Variants in COPS4 observed in about 807,000 individuals in gnomAD.
COPS4 encodes COP9 signalosome subunit 4.
A neutral mutation model predicts 55.1 loss-of-function variants in COPS4; 8 were observed. The observed-to-expected ratio is 0.15, with a 90% CI of 0.09 to 0.26. The LOEUF (loss-of-function observed/expected upper bound fraction) is 0.26, where lower values mean the gene tolerates loss of function less well. COPS4 is among the 10% of genes least tolerant of loss of function. The pLI, the probability that COPS4 is intolerant of heterozygous loss-of-function variation, is 1.00. For synonymous variants in COPS4, 185 were observed against 165.7 expected (o/e 1.12, Z -0.90); for missense variants, 248 against 484.0 (o/e 0.51, Z 4.58).
chr4:83,040,168 T>C (rs977444034), intron 1 of COPS4, among the ~76,000 whole-genome samples: 3 of 152,252 alleles, frequency 2.0e-5, no homozygotes, highest in East Asian at 3.8e-4. Context: ...TTGTATTTTT[T>C]AGCTCTGTAA....
At chr4:83,059,566 A>G (rs1038665030) in intron 6 of COPS4, among the ~76,000 whole-genome samples, 2 of 152,188 alleles carry the variant, frequency 1.3e-5, no homozygotes, top group South Asian at 4.1e-4. Flanking sequence ...TAAATGACAT[A>G]CTTTTATGAA....
At chr4:83,057,860 T>G (rs1450951476) in intron 6 of COPS4, among the ~76,000 whole-genome samples, 7 of 146,714 alleles carry the variant, frequency 4.8e-5, no homozygotes, top group Admixed American at 3.5e-4. Flanking sequence ...AGGTGGAGCT[T>G]GTAGTGAGCC....
Position 83,048,025 on chromosome 4 carries a change from A to G in COPS4, c.155-1141A>G, listed in dbSNP as rs114157033. The stretch of plus-strand genomic sequence containing the variant: ...CAAAAAAAAAAAATAATAATAATAA[A>G]AAAGACTTGAATAATTTATCTAAGC... On this transcript the variant is annotated intron_variant, in intron 2 of 9. Coordinates refer to ENST00000264389, the MANE Select transcript of COPS4 (RefSeq NM_016129.3). Among the ~76,000 whole-genome samples, 4 of 152,036 alleles carry G rather than the reference A, an allele frequency of 2.6e-5. No individual in the cohort carries two copies. In the East Asian group the frequency reaches 5.8e-4, roughly 22 times the overall value.
chr4:83,055,917 CTTTTTTTTCTTTTTCT>C (rs1284991842), intron 4 of COPS4, among the ~76,000 whole-genome samples: 2 of 130,416 alleles, frequency 1.5e-5, no homozygotes, highest in East Asian at 2.3e-4. Flanking sequence ...CTTTTCTTTT[CTTTTTTTTCTTTTTCT>C]TTTTTTTTTT....
intron 6 of COPS4, 151 bp from the exon 7 acceptor site, chr4:83,062,925 G>A (rs541114990): frequency 3.0e-5 from 18 of 593,852 alleles, no homozygotes; most frequent in African/African-American, 1.5e-4. Context: ...ATTCAGCGTC[G>A]GCAGTGACTG....
rs1731294590 is a variant in COPS4, at chr4:83,066,432, T to TTTAA, written c.887-5_887-2dup. On this transcript the variant is annotated splice_polypyrimidine_tract_variant and splice_region_variant and intron_variant, in intron 7 of 9. Coordinates refer to ENST00000264389, the MANE Select transcript of COPS4 (RefSeq NM_016129.3). ...CAAACTTGTAACTGTCTTATTTATG[T>TTTAA]TTAAGGTTCCAGCATCTTGGACAGA... 6 of 1,440,436 alleles carry TTTAA rather than the reference T, an allele frequency of 4.2e-6. No individual in the cohort carries two copies. The highest frequency in any genetic ancestry group is 5.7e-6 in the Non-Finnish European group (6 of 1,055,012). 89.2% of individuals were successfully genotyped at this position (1,440,436 alleles called of 1,614,324 possible). A position where few individuals can be genotyped will look rare whatever the true frequency, so the allele number is the denominator to read the frequency against.
chr4:83,043,320 C>A (rs1269450476), intron 1 of COPS4, among the ~76,000 whole-genome samples: 1 of 151,420 alleles, frequency 6.6e-6, no homozygotes, highest in East Asian at 1.9e-4. Context: ...AGTTGGAGAC[C>A]AGTTTGGGCA....
intron 7 of COPS4, among the ~76,000 whole-genome samples, chr4:83,063,865 A>G (rs1451248552): frequency 2.0e-5 from 3 of 151,810 alleles, no homozygotes; most frequent in Non-Finnish European, 4.4e-5. Flanking sequence ...ATGCGCCACC[A>G]CGCCCGGCTA....
chr4:83,057,801 AG>A (rs1731052842), intron 6 of COPS4, among the ~76,000 whole-genome samples: 1 of 151,624 alleles, frequency 6.6e-6, no homozygotes, highest in Admixed American at 6.6e-5. Flanking sequence ...AGGCGCCTGT[AG>A]TCCCAGCTGT....
chr4:83,062,811 TA>T (rs1731194053), intron 6 of COPS4, among the ~76,000 whole-genome samples: 1 of 152,184 alleles, frequency 6.6e-6, no homozygotes, highest in Non-Finnish European at 1.5e-5. Flanking sequence ...GAAACACACA[TA>T]AAACAAGGTT....
rs1257573199 is a variant in COPS4 at position 83,056,996 on chromosome 4, C to T, written c.481C>T (p.Pro161Ser). The T allele has an allele frequency of 6.2e-7, 1 of 1,613,278 alleles. No homozygotes were observed. Among genetic ancestry groups the T allele is most frequent in the African/African-American group, 1.3e-5 (1 of 74,904 alleles). ...TAGGCTATATCTGGAGGATGATGAT[C>T]CAGTCCAGGCAGAGGCTTACATAAA... is the stretch of plus-strand genomic sequence containing the variant. ...IARLYLEDDD[P>S]VQAEAYINRA... is the part of the protein sequence containing the mutation. Residue 161 changes from proline (P) to serine (S), a missense_variant, in exon 5 of 10, where the codon CCA (proline) becomes TCA (serine). Physicochemically the swap from Pro to Ser is moderately conservative, Grantham distance 74. Transcript: ENST00000264389.
At chr4:83,054,917 A>G (rs1578711902) in intron 4 of COPS4, among the ~76,000 whole-genome samples, 1 of 152,256 alleles carries the variant, frequency 6.6e-6, no homozygotes, top group Admixed American at 6.5e-5. Flanking sequence ...TAATCGATAT[A>G]ATAGTTACAC....
intron 1 of COPS4, among the ~76,000 whole-genome samples, chr4:83,041,785 A>T (rs1433019583): frequency 2.6e-5 from 4 of 151,202 alleles, no homozygotes; most frequent in Non-Finnish European, 5.9e-5. Flanking sequence ...TTTTGAGTTA[A>T]TATATTACCT....
intron 4 of COPS4, among the ~76,000 whole-genome samples, chr4:83,051,829 T>C (rs1032142708): frequency 2.0e-5 from 3 of 152,076 alleles, no homozygotes; most frequent in Admixed American, 1.3e-4. Flanking sequence ...CTGAGTATAG[T>C]GAGGCCTGGA....
At chr4:83,060,499 G>A (rs950295005) in intron 6 of COPS4, among the ~76,000 whole-genome samples, 3 of 151,482 alleles carry the variant, frequency 2.0e-5, no homozygotes, top group Non-Finnish European at 4.4e-5. Flanking sequence ...GTAGAGACGG[G>A]GTTTCACCGC....
intron 6 of COPS4, among the ~76,000 whole-genome samples, chr4:83,057,974 T>G (rs962697281): frequency 1.4e-5 from 2 of 147,330 alleles, no homozygotes; most frequent in Non-Finnish European, 3.0e-5. Flanking sequence ...AGTTCTAAAA[T>G]TTCACTAAAG....
chr4:83,047,862 G>C (rs187446695), intron 2 of COPS4, among the ~76,000 whole-genome samples: 9 of 152,176 alleles, frequency 5.9e-5, no homozygotes, highest in Admixed American at 5.9e-4. Context: ...TCAGCTGGGC[G>C]TGGTGGCGGG....
chr4:83,057,783 G>A (rs529268218), intron 6 of COPS4, among the ~76,000 whole-genome samples: 32 of 151,868 alleles, frequency 2.1e-4, no homozygotes, highest in Admixed American at 1.2e-3. Flanking sequence ...TTAGCCGGGC[G>A]TGGTGGCAGG....
intron 2 of COPS4, among the ~76,000 whole-genome samples, chr4:83,048,365 T>G (rs571162306): frequency 6.6e-6 from 1 of 152,336 alleles, no homozygotes; most frequent in Admixed American, 6.5e-5. Flanking sequence ...AAGTTCTTAT[T>G]TATTGTTTTT....
Sources: allele counts gnomAD v4.1 joint callset (sites outside exome capture counted in the v4.1 genomes callset), GRCh38; gene constraint gnomAD v4.1.1; transcripts MANE v1.5; gene names NCBI Gene and HGNC (gene_info 2026-07-23, HGNC 2026-07-21).